The following LRP1B variants were observed in gnomAD, a reference collection of about 807,000 sequenced individuals.
LRP1B encodes the protein low-density lipoprotein receptor-related protein 1B.
A neutral mutation model predicts 556.6 loss-of-function variants in LRP1B; 217 were observed. That is an observed-to-expected ratio of 0.39 (90% CI 0.35 to 0.44). The LOEUF (loss-of-function observed/expected upper bound fraction) is 0.44. LRP1B is among the 20% of genes least tolerant of loss of function. The pLI is 1.00. For synonymous variants in LRP1B, 2,047 were observed against 1,865.8 expected (o/e 1.10, Z -2.50); for missense variants, 5,053 against 5,620.8 (o/e 0.90, Z 3.23).
In LRP1B at chr2:140,701,725, C is replaced by A. The variant is rs753290244; in HGVS notation, c.6423G>T (p.Glu2141Asp). ...KEVKIFNRVREKGTNVCARDN... is the reference protein window; with the variant it reads ...KEVKIFNRVRDKGTNVCARDN... ...TATTCTTTCAAGAGTGCTGACCTTT[C>A]TCTCTTACTCGGTTAAATATTTTAA... Residue 2141 changes from glutamate (E) to aspartate (D), a missense_variant, in exon 40 of 91, where the codon GAG (glutamate) becomes GAT (aspartate). Transcript: ENST00000389484. 2 of 1,611,876 alleles carry A rather than the reference C, an allele frequency of 1.2e-6. No homozygotes were observed. Among genetic ancestry groups the A allele is most frequent in the Non-Finnish European group, 1.7e-6 (2 of 1,178,784 alleles).
intron 84 of LRP1B, among the ~76,000 whole-genome samples, chr2:140,283,463 T>C (rs1682999466): frequency 6.6e-6 from 1 of 151,780 alleles, no homozygotes; most frequent in East Asian, 1.9e-4. Flanking sequence ...CCTAAGGAAA[T>C]ACCACTTTCT....
Position 141,188,577 on chromosome 2 carries a change from T to G in LRP1B, c.857A>C (p.Gln286Pro). ...AGTGAGCCAGTCAATCGCCATTTGT[T>G]GCACATCTGAAAAACACATACACAA... ...INILQSFHNV[Q>P]QMAIDWLTRN... is the part of the protein sequence containing the mutation. Residue 286 changes from glutamine (Q) to proline (P), a missense_variant, in exon 7 of 91, where the codon CAA (glutamine) becomes CCA (proline). Gln to Pro is a moderately conservative substitution (Grantham distance 76). This residue lies in a region of LRP1B where 3,619 missense variants were observed against 3,931.9 expected (regional missense o/e 0.92). Coordinates refer to ENST00000389484, the MANE Select transcript of LRP1B (RefSeq NM_018557.3). 6.2e-7 allele frequency: 1 copy of G among 1,611,710 alleles called. No individual in the cohort carries two copies. The highest frequency in any genetic ancestry group is 8.5e-7 in the Non-Finnish European group (1 of 1,178,792).
rs202023919 is a variant in LRP1B, at chr2:140,613,378, TAATTATATACATATAAATATAA to T, written c.6800-11761_6800-11740del. On this transcript the variant is annotated intron_variant, in intron 41 of 90. Transcript: ENST00000389484. ...ATAATTATATAAATATAAATATATATAATTATATACATATAAATATAAATAATTATATACATATAAATATATA... is the reference window on the plus strand; with the variant it reads ...ATAATTATATAAATATAAATATATATATAATTATATACATATAAATATATA... 8.7e-4 allele frequency among the ~76,000 whole-genome samples: 119 copies of T among 136,588 alleles called. 5 individuals carry two copies. The highest frequency in any genetic ancestry group is 2.2e-3 in the South Asian group (10 of 4,578). The allele number at this position is 136,588 out of a possible 152,430, so 89.6% of individuals were successfully genotyped here.
At chr2:140,767,104 C>T (rs951936998) in intron 35 of LRP1B, among the ~76,000 whole-genome samples, 1 of 151,692 alleles carries the variant, frequency 6.6e-6, no homozygotes, top group Admixed American at 6.6e-5. Flanking sequence ...TTGTCTGTGG[C>T]TAAACTCTGG....
At chr2:141,585,601 G>A (rs961206186) in intron 2 of LRP1B, among the ~76,000 whole-genome samples, 17 of 152,058 alleles carry the variant, frequency 1.1e-4, no homozygotes, top group Non-Finnish European at 2.5e-4. Context: ...ATATGCCTGT[G>A]TGTGTGCCTA....
intron 7 of LRP1B, among the ~76,000 whole-genome samples, chr2:141,095,984 T>C (rs1490255022): frequency 6.6e-6 from 1 of 152,098 alleles, no homozygotes; most frequent in African/African-American, 2.4e-5. Flanking sequence ...CGTATTCTCA[T>C]TTTTTTCATG....
intron 2 of LRP1B, among the ~76,000 whole-genome samples, chr2:141,604,276 C>T (rs1011141018): frequency 2.0e-5 from 3 of 152,154 alleles, no homozygotes; most frequent in African/African-American, 4.8e-5. Context: ...AATATCAAAA[C>T]TTGTGAAATG....
chr2:142,042,563 CTGTT>C (rs1704099709), intron 1 of LRP1B, among the ~76,000 whole-genome samples: 1 of 151,360 alleles, frequency 6.6e-6, no homozygotes, highest in Non-Finnish European at 1.5e-5. Flanking sequence ...TTTGATTTAA[CTGTT>C]TGTTATTCAC....
intron 43 of LRP1B, among the ~76,000 whole-genome samples, chr2:140,569,332 A>G (rs953988373): frequency 2.6e-5 from 4 of 151,934 alleles, no homozygotes; most frequent in Non-Finnish European, 4.4e-5. Flanking sequence ...TCTTTGACCT[A>G]TAAAGACAAA....
At chr2:140,295,784 T>C (rs986524101) in intron 84 of LRP1B, among the ~76,000 whole-genome samples, 1 of 105,728 alleles carries the variant, frequency 9.5e-6, no homozygotes, top group Admixed American at 1.2e-4. Context: ...TGTAGAAAAA[T>C]CTCAATAAAT....
chr2:140,448,366 C>A (rs1349836147), intron 63 of LRP1B, among the ~76,000 whole-genome samples: 3 of 152,044 alleles, frequency 2.0e-5, no homozygotes, highest in Admixed American at 6.6e-5. Context: ...CAGTGTCCAT[C>A]AATGGATGAA....
intron 41 of LRP1B, among the ~76,000 whole-genome samples, chr2:140,616,729 C>T (rs1190561231): frequency 6.6e-6 from 1 of 151,618 alleles, no homozygotes; most frequent in Non-Finnish European, 1.5e-5. Flanking sequence ...TTTAAATATG[C>T]TGACAGAAAA....
intron 11 of LRP1B, among the ~76,000 whole-genome samples, chr2:141,037,464 C>T (rs1698566263): frequency 6.6e-6 from 1 of 151,988 alleles, no homozygotes; most frequent in African/African-American, 2.4e-5. Context: ...TAGCTCTCTT[C>T]AGTTGATTTT....
intron 1 of LRP1B, among the ~76,000 whole-genome samples, chr2:141,948,852 T>C (rs1320036875): frequency 1.3e-5 from 2 of 152,010 alleles, no homozygotes; most frequent in African/African-American, 4.8e-5. Flanking sequence ...TTTAAAATGA[T>C]GGGGAGGAAA....
chr2:141,897,671 T>C (rs58909923), intron 1 of LRP1B, among the ~76,000 whole-genome samples: 12,099 of 152,164 alleles, frequency 0.08, 1,603 homozygotes, highest in African/African-American at 0.28. Context: ...ATTAGGAAGT[T>C]TGACTGACTG....
At chr2:141,690,727 T>C (rs1691499279) in intron 2 of LRP1B, among the ~76,000 whole-genome samples, 1 of 151,442 alleles carries the variant, frequency 6.6e-6, no homozygotes, top group African/African-American at 2.4e-5. Context: ...CAAATTGTGA[T>C]ATAAAATATT....
intron 7 of LRP1B, among the ~76,000 whole-genome samples, chr2:141,086,218 T>A (rs1410788885): frequency 6.6e-6 from 1 of 152,214 alleles, no homozygotes; most frequent in Non-Finnish European, 1.5e-5. Context: ...ATGTCACCCA[T>A]TGATTTCAGC....
At chr2:140,262,339 T>G (rs1573701871) in intron 86 of LRP1B, among the ~76,000 whole-genome samples, 1 of 152,296 alleles carries the variant, frequency 6.6e-6, no homozygotes, top group African/African-American at 2.4e-5. Flanking sequence ...AGCACAGATT[T>G]TAAGACTAAT....
At position 140,524,687 on chromosome 2, in the gene LRP1B, A is replaced by G. The variant is rs1010877727; in HGVS notation, c.8026+1157T>C. Among the ~76,000 whole-genome samples, 4 of 151,914 alleles carry G rather than the reference A, an allele frequency of 2.6e-5. No homozygotes were observed. The Admixed American group carries it at 2.6e-4, about 10-fold the overall frequency. ...CAAGAGCATTATCCTAAGTAAATCAATGCAAGAACAGAAAACCATATATCA... is the reference window on the plus strand; with the variant it reads ...CAAGAGCATTATCCTAAGTAAATCAGTGCAAGAACAGAAAACCATATATCA... On this transcript the variant is annotated intron_variant, in intron 49 of 90. Coordinates refer to ENST00000389484, the MANE Select transcript of LRP1B (RefSeq NM_018557.3).
Sources: gnomAD v4.1 joint callset for allele counts (sites outside exome capture counted in the v4.1 genomes callset) on GRCh38, gnomAD v4.1.1 for gene constraint, gnomAD v4.1.1 regional missense constraint, MANE v1.5 for transcripts, NCBI Gene and HGNC (gene_info 2026-07-23, HGNC 2026-07-21) for gene names.